Variants in AP4S1 observed in about 807,000 individuals in gnomAD.
AP4S1 encodes the protein adaptor related protein complex 4 subunit sigma 1.
AP4S1 carries 23 observed loss-of-function variants against 19.8 expected under a neutral mutation model. That is an observed-to-expected ratio of 1.16 (90% CI 0.84 to 1.65). AP4S1 has a LOEUF of 1.65. Ranked by LOEUF, AP4S1 falls within the 40% of genes most tolerant of loss-of-function variation. The pLI is 0.00. For synonymous variants in AP4S1, 46 were observed against 54.1 expected (o/e 0.85, Z 0.66); for missense variants, 166 against 172.8 (o/e 0.96, Z 0.22).
intron 1 of AP4S1, among the ~76,000 whole-genome samples, chr14:31,061,251 T>C (rs958762002): frequency 3.3e-5 from 5 of 152,144 alleles, no homozygotes; most frequent in Non-Finnish European, 5.9e-5. Context: ...ACCCCTGACC[T>C]CAGGTGATCT....
At position 31,095,828 on chromosome 14, in the gene AP4S1, A is replaced by G. The variant is rs1430145895; in HGVS notation, c.*2793A>G. The stretch of plus-strand genomic sequence containing the variant: ...GCCAGGCATGGTGGCTTACGCCTAT[A>G]ATCCCAGCACTTTGGGACGCCAAGG... On this transcript the variant is annotated 3_prime_UTR_variant, in exon 6 of 6. Transcript: ENST00000542754. The G allele has an allele frequency of 1.3e-5, 2 of 152,230 alleles. No individual in the cohort carries two copies. The highest frequency in any genetic ancestry group is 2.9e-5 in the Non-Finnish European group (2 of 68,070). The allele number at this position is 152,230 out of a possible 1,614,324, so 9.4% of individuals were successfully genotyped here. A position where few individuals can be genotyped will look rare whatever the true frequency, so the allele number is the denominator to read the frequency against.
rs1406079353 is a variant in AP4S1, at chr14:31,072,714, T to G, written c.226-191T>G. ...TAAGGTTTATCTACATTTCCCCCAT[T>G]GATAAACATCTTTTAAACAAGTGAG... On this transcript the variant is annotated intron_variant, in intron 3 of 5. Transcript: ENST00000542754. Among the ~76,000 whole-genome samples, 6 of 151,562 alleles carry G rather than the reference T, an allele frequency of 4.0e-5. No homozygotes were observed. The East Asian group carries it at 1.2e-3, about 29-fold the overall frequency.
chr14:31,056,200 C>T (rs565281468), intron 1 of AP4S1, among the ~76,000 whole-genome samples: 5 of 151,778 alleles, frequency 3.3e-5, no homozygotes, highest in East Asian at 1.9e-4. Context: ...TCTTTAGAGA[C>T]GAGGTCTTGC....
intron 4 of AP4S1, chr14:31,073,290 A>C: frequency 6.6e-6 from 2 of 303,500 alleles, no homozygotes; most frequent in East Asian, 8.1e-5. Flanking sequence ...GGAGATGGAG[A>C]CCATCCTGGC....
chr14:31,060,496 T>C (rs1037823608), intron 1 of AP4S1, among the ~76,000 whole-genome samples: 7 of 152,110 alleles, frequency 4.6e-5, no homozygotes, highest in Non-Finnish European at 8.8e-5. Context: ...CCCCCTGGGG[T>C]TCAAAAAACC....
At chr14:31,026,398 C>T (rs986232119) in intron 1 of AP4S1, 18 of 140,346 alleles carry the variant, frequency 1.3e-4, no homozygotes, top group African/African-American at 5.4e-4. Context: ...CACTCACTCA[C>T]TTTAGGGGAA....
intron 3 of AP4S1, 132 bp from the exon 4 acceptor site, chr14:31,072,773 G>A (rs1887084491): frequency 5.6e-6 from 4 of 716,646 alleles, no homozygotes. Flanking sequence ...GTCAGTGGGA[G>A]GCTACTTTCC....
Position 31,028,455 on chromosome 14 carries a change from A to G in AP4S1, c.-72+2668A>G, listed in dbSNP as rs34274674. 3.6e-3 allele frequency among the ~76,000 whole-genome samples: 551 copies of G among 152,124 alleles called. 1 individual carries two copies. Among genetic ancestry groups the G allele is most frequent in the Non-Finnish European group, 5.6e-3 (378 of 68,000 alleles). On this transcript the variant is annotated intron_variant, in intron 1 of 5. Coordinates refer to ENST00000542754, the MANE Select transcript of AP4S1 (RefSeq NM_001128126.3). Reference sequence around the variant, plus strand: ...GCTTCACAAAGTGTTAAGATTACATATTTCTTCAAATTATTAAAGTACTAT... The same window carrying G: ...GCTTCACAAAGTGTTAAGATTACATGTTTCTTCAAATTATTAAAGTACTAT...
At chr14:31,073,181 A>C (rs1426597215) in intron 4 of AP4S1, 1 of 545,716 alleles carries the variant, frequency 1.8e-6, no homozygotes, top group Non-Finnish European at 3.2e-6. Context: ...TTTATAAAGA[A>C]CTGGAAAAAA....
At position 31,073,287 on chromosome 14, in the gene AP4S1, G is replaced by T. The variant is rs532373436; in HGVS notation, c.294+314G>T. The T allele has an allele frequency of 3.3e-5, 10 of 303,564 alleles. No individual in the cohort carries two copies. The Admixed American group carries it at 3.7e-4, about 11-fold the overall frequency. 18.8% of individuals were successfully genotyped at this position (303,564 alleles called of 1,614,324 possible). On this transcript the variant is annotated intron_variant, in intron 4 of 5. Transcript: ENST00000542754. ...GGGCAGATCACAAGGTCAGGAGATGGAGACCATCCTGGCTAATACGGTGAA... is the reference window on the plus strand; with the variant it reads ...GGGCAGATCACAAGGTCAGGAGATGTAGACCATCCTGGCTAATACGGTGAA...
intron 1 of AP4S1, 90 bp from the exon 2 acceptor site, chr14:31,066,036 T>A: frequency 1.6e-6 from 1 of 638,720 alleles, no homozygotes; most frequent in Non-Finnish European, 2.7e-6. Context: ...TACTACTACT[T>A]TATTTACTGT....
rs1888133456 is a variant in AP4S1, at chr14:31,093,665, C to CA, written c.*633dup. 1 of 151,876 alleles carries CA rather than the reference C, an allele frequency of 6.6e-6. No homozygotes were observed. The highest frequency in any genetic ancestry group is 2.4e-5 in the African/African-American group (1 of 41,270). The allele number at this position is 151,876 out of a possible 1,614,324, so 9.4% of individuals were successfully genotyped here. On this transcript the variant is annotated 3_prime_UTR_variant, in exon 6 of 6. Transcript: ENST00000542754. Reference sequence around the variant, plus strand: ...TTTCACCATGTTGGCCAGGCTGTCTCAAACTCCTGACCTCAGGTGATCTGC... The same window carrying CA: ...TTTCACCATGTTGGCCAGGCTGTCTCAAAACTCCTGACCTCAGGTGATCTGC...
chr14:31,071,866 C>G (rs1887021724), intron 3 of AP4S1, among the ~76,000 whole-genome samples: 1 of 151,898 alleles, frequency 6.6e-6, no homozygotes, highest in Admixed American at 6.6e-5. Context: ...CAGGCGCACA[C>G]CAAGATACCT....
intron 1 of AP4S1, among the ~76,000 whole-genome samples, chr14:31,062,341 C>T (rs1279724072): frequency 2.6e-5 from 4 of 152,004 alleles, no homozygotes; most frequent in Non-Finnish European, 5.9e-5. Context: ...TCAGGCAGTC[C>T]GCCCTCCTCG....
Position 31,083,862 on chromosome 14 carries a change from C to G in AP4S1, c.306+3278C>G, listed in dbSNP as rs539988109. On this transcript the variant is annotated intron_variant, in intron 5 of 5. Transcript: ENST00000542754. ...GACTCTCCTCTGCTTCATACATAGT[C>G]CTTTTAAACCATCACATGTTCAAGG... Among the ~76,000 whole-genome samples the G allele has an allele frequency of 2.0e-4, 31 of 152,222 alleles. No homozygotes were observed. The Middle Eastern group carries it at 0.01, about 50-fold the overall frequency.
At chr14:31,071,117 A>C (rs1029853935) in intron 3 of AP4S1, among the ~76,000 whole-genome samples, 1 of 152,170 alleles carries the variant, frequency 6.6e-6, no homozygotes, top group African/African-American at 2.4e-5. Flanking sequence ...TGGCAGTTAC[A>C]TCACCCCAAA....
chr14:31,025,852 C>T, intron 1 of AP4S1, 65 bp downstream of exon 1: 1 of 1,563,524 alleles, frequency 6.4e-7, no homozygotes, highest in South Asian at 1.2e-5. Context: ...CCCCACCCCC[C>T]GGCCGGGAAC....
intron 1 of AP4S1, among the ~76,000 whole-genome samples, chr14:31,030,468 G>T (rs974265859): frequency 2.0e-5 from 3 of 152,012 alleles, no homozygotes; most frequent in Admixed American, 2.0e-4. Flanking sequence ...TCAACCTCCT[G>T]AGTAGCTAAG....
intron 5 of AP4S1, among the ~76,000 whole-genome samples, chr14:31,081,713 T>A (rs1407887491): frequency 6.6e-6 from 1 of 151,758 alleles, no homozygotes; most frequent in Non-Finnish European, 1.5e-5. Flanking sequence ...TGTTTATGTG[T>A]ATATATACAT....
Sources: gnomAD v4.1 joint callset for allele counts (sites outside exome capture counted in the v4.1 genomes callset) on GRCh38, gnomAD v4.1.1 for gene constraint, MANE v1.5 for transcripts, NCBI Gene and HGNC (gene_info 2026-07-23, HGNC 2026-07-21) for gene names.